The following ADAMTSL1 variants were observed in gnomAD, a reference collection of about 807,000 sequenced individuals.
The protein encoded by ADAMTSL1 is ADAMTS like 1, also known as ADAMTS-like protein 1.
A neutral mutation model predicts 201.8 loss-of-function variants in ADAMTSL1; 126 were observed. The observed-to-expected ratio is 0.62, with a 90% CI of 0.54 to 0.72. The LOEUF is 0.72. Ranked by LOEUF, ADAMTSL1 falls within the 30% of genes least tolerant of loss-of-function variation. The pLI is 0.00. For synonymous variants in ADAMTSL1, 1,121 were observed against 903.4 expected, an observed-to-expected ratio of 1.24 and a Z score of -4.32; for missense variants, 2,679 against 2,277.8, an observed-to-expected ratio of 1.18 and a Z score of -3.59.
chr9:17,946,888 T>C (rs1180950365), intron 1 of ADAMTSL1, among the ~76,000 whole-genome samples: 5 of 152,166 alleles, frequency 3.3e-5, no homozygotes, highest in Admixed American at 1.3e-4. Context: ...TAAAGATTTC[T>C]ACTTGATTTT....
At chr9:18,509,874 T>C (rs1817929085) in intron 2 of ADAMTSL1, among the ~76,000 whole-genome samples, 1 of 152,226 alleles carries the variant, frequency 6.6e-6, no homozygotes. Context: ...TTCTTACTCA[T>C]TTGTAATGGG....
At chr9:18,359,318 G>A (rs529903768) in intron 2 of ADAMTSL1, among the ~76,000 whole-genome samples, 4 of 152,024 alleles carry the variant, frequency 2.6e-5, no homozygotes, top group East Asian at 1.9e-4. Flanking sequence ...CCATTCTTCT[G>A]CCCCCAGAAT....
chr9:18,292,531 G>A (rs1047342967), intron 2 of ADAMTSL1, among the ~76,000 whole-genome samples: 2 of 152,136 alleles, frequency 1.3e-5, no homozygotes, highest in Non-Finnish European at 2.9e-5. Flanking sequence ...AGTGGACTGG[G>A]AGAGACAGAC....
chr9:18,869,417 C>T (rs1334716637), intron 23 of ADAMTSL1, among the ~76,000 whole-genome samples: 1 of 152,214 alleles, frequency 6.6e-6, no homozygotes, highest in African/African-American at 2.4e-5. Context: ...TCCTTTCTTC[C>T]AGGGATCACA....
At chr9:17,954,878 A>G (rs1393700386) in intron 1 of ADAMTSL1, among the ~76,000 whole-genome samples, 1 of 152,164 alleles carries the variant, frequency 6.6e-6, no homozygotes, top group Non-Finnish European at 1.5e-5. Context: ...CAGTTCAGCT[A>G]TTTGAAGATG....
intron 1 of ADAMTSL1, among the ~76,000 whole-genome samples, chr9:18,085,617 A>G (rs1443007292): frequency 6.7e-6 from 1 of 149,666 alleles, no homozygotes; most frequent in Non-Finnish European, 1.5e-5. Flanking sequence ...GTGTGTGTAT[A>G]CGTATATACA....
chr9:18,877,189 C>A (rs1404854240), intron 23 of ADAMTSL1, among the ~76,000 whole-genome samples: 1 of 152,176 alleles, frequency 6.6e-6, no homozygotes, highest in East Asian at 1.9e-4. Context: ...TCACCTTTCT[C>A]TGGTGCCTCC....
chr9:18,226,484 A>G (rs1193023725), intron 2 of ADAMTSL1, among the ~76,000 whole-genome samples: 1 of 152,168 alleles, frequency 6.6e-6, no homozygotes, highest in Non-Finnish European at 1.5e-5. Context: ...TAAGGGTTTC[A>G]TACATCTTTC....
chr9:17,990,210 C>T (rs368624031), intron 1 of ADAMTSL1, among the ~76,000 whole-genome samples: 1 of 151,916 alleles, frequency 6.6e-6, no homozygotes, highest in Admixed American at 6.6e-5. Flanking sequence ...TGTTATCTTC[C>T]GTCATATGTC....
chr9:18,159,458 T>C (rs1827294004), intron 1 of ADAMTSL1, among the ~76,000 whole-genome samples: 1 of 152,048 alleles, frequency 6.6e-6, no homozygotes, highest in Non-Finnish European at 1.5e-5. Flanking sequence ...CCTAGAAATA[T>C]ATGGCTGCCT....
chr9:17,959,642 G>A (rs938914504), intron 1 of ADAMTSL1, among the ~76,000 whole-genome samples: 2 of 152,036 alleles, frequency 1.3e-5, no homozygotes, highest in African/African-American at 4.8e-5. Context: ...ATTTTTAGTA[G>A]AGACAGTGTT....
In ADAMTSL1 at chr9:18,869,177, A is replaced by C. The variant is rs75828261; in HGVS notation, c.4250-18654A>C. ...AACCACCAGAAACTGGGAGAGAGGC[A>C]TGAAACAGATTCTTCTCTCACAGTC... On this transcript the variant is annotated intron_variant, in intron 23 of 28. Coordinates refer to ENST00000380548, the MANE Select transcript of ADAMTSL1 (RefSeq NM_001040272.6). Among the ~76,000 whole-genome samples, 423 of 152,362 alleles carry C rather than the reference A, an allele frequency of 2.8e-3. 2 individuals are homozygous for C. The highest frequency in any genetic ancestry group is 8.9e-3 in the African/African-American group (369 of 41,586).
At chr9:18,394,108 G>T (rs547954056) in intron 2 of ADAMTSL1, among the ~76,000 whole-genome samples, 1 of 152,146 alleles carries the variant, frequency 6.6e-6, no homozygotes, top group African/African-American at 2.4e-5. Flanking sequence ...GTTACGCAGC[G>T]AAAGCAGAGC....
chr9:18,604,693 A>G (rs2132560247), intron 4 of ADAMTSL1, among the ~76,000 whole-genome samples: 1 of 152,232 alleles, frequency 6.6e-6, no homozygotes, highest in African/African-American at 2.4e-5. Context: ...CCTTTTGGCT[A>G]TTGTGAATTA....
intron 1 of ADAMTSL1, among the ~76,000 whole-genome samples, chr9:18,131,320 A>T (rs943495583): frequency 6.6e-6 from 1 of 152,198 alleles, no homozygotes. Context: ...GTATTTCTAT[A>T]GGAAATTTGT....
chr9:18,587,919 T>C (rs375746113), intron 4 of ADAMTSL1, among the ~76,000 whole-genome samples: 1 of 152,232 alleles, frequency 6.6e-6, no homozygotes, highest in East Asian at 1.9e-4. Context: ...TTGTGAATAG[T>C]GCTGGAATAA....
Position 18,639,361 on chromosome 9 carries a change from A to G in ADAMTSL1, c.784A>G (p.Lys262Glu). 1.2e-6 allele frequency: 2 copies of G among 1,613,092 alleles called. No individual in the cohort carries two copies. The highest frequency in any genetic ancestry group is 2.2e-5 in the East Asian group (1 of 44,872). ...SSVDFQKFPD[K>E]EILRMAGPLT... ...TGTGGACTTCCAGAAATTTCCAGACAAAGAGATACTGAGAATGGCTGGACC... is the reference window on the plus strand; with the variant it reads ...TGTGGACTTCCAGAAATTTCCAGACGAAGAGATACTGAGAATGGCTGGACC... The change falls in exon 7 of 29, where the codon AAA becomes GAA. Residue 262 changes from lysine (K) to glutamate (E), a missense_variant. Coordinates refer to ENST00000380548, the MANE Select transcript of ADAMTSL1 (RefSeq NM_001040272.6).
intron 9 of ADAMTSL1, among the ~76,000 whole-genome samples, chr9:18,667,974 A>G (rs1164078443): frequency 1.3e-5 from 2 of 152,112 alleles, no homozygotes; most frequent in Non-Finnish European, 2.9e-5. Context: ...GATAACCTCT[A>G]CTTTACCAGC....
intron 23 of ADAMTSL1, among the ~76,000 whole-genome samples, chr9:18,834,302 ATTCTTC>A (rs1209670934): frequency 2.0e-5 from 3 of 152,140 alleles, no homozygotes; most frequent in African/African-American, 7.2e-5. Flanking sequence ...AACAATGTTG[ATTCTTC>A]TTATCGATGA....
Sources: gnomAD v4.1 joint callset for allele counts (sites outside exome capture counted in the v4.1 genomes callset) on GRCh38, gnomAD v4.1.1 for gene constraint, MANE v1.5 for transcripts, NCBI Gene and HGNC (gene_info 2026-07-23, HGNC 2026-07-21) for gene names.